The following ANKRD6 variants were observed in gnomAD, a reference collection of about 807,000 sequenced individuals.
The protein encoded by ANKRD6 is ankyrin repeat domain 6.
A neutral mutation model predicts 82.3 loss-of-function variants in ANKRD6; 56 were observed. That is an observed-to-expected ratio of 0.68 (90% CI 0.55 to 0.85). ANKRD6 has a LOEUF of 0.85. Among genes scored for constraint, ANKRD6 ranks in the 40% least tolerant of loss-of-function variants. The probability of loss-of-function intolerance (pLI) is 0.00; values close to 1 mark genes in which losing one functional copy is unlikely to be tolerated. For missense variants in ANKRD6, 852 were observed against 907.6 expected (o/e 0.94, Z 0.79); for synonymous variants, 347 against 352.1 (o/e 0.99, Z 0.16).
chr6:89,594,177 G>C (rs1385242018), intron 2 of ANKRD6, among the ~76,000 whole-genome samples: 6 of 152,214 alleles, frequency 3.9e-5, no homozygotes, highest in Admixed American at 6.5e-5. Flanking sequence ...ATTAGGCCAG[G>C]CACAGTGGCT....
At chr6:89,480,643 GA>G (rs1004703037) in intron 1 of ANKRD6, among the ~76,000 whole-genome samples, 43 of 147,122 alleles carry the variant, frequency 2.9e-4, no homozygotes, top group Admixed American at 5.4e-4. Flanking sequence ...TTAAAAATCA[GA>G]AAAAAAAAAT....
chr6:89,562,769 G>A (rs970001434), intron 1 of ANKRD6: 9 of 152,220 alleles, frequency 5.9e-5, no homozygotes, highest in African/African-American at 1.9e-4. Flanking sequence ...AGCGAACATT[G>A]TAACGTAAAT....
chr6:89,530,061 C>G (rs1049663504), intron 1 of ANKRD6, among the ~76,000 whole-genome samples: 5 of 151,898 alleles, frequency 3.3e-5, no homozygotes, highest in African/African-American at 4.8e-5. Context: ...CGAGACCAGC[C>G]TGGGCAATGT....
At chr6:89,610,429 T>G (rs866204504) in intron 5 of ANKRD6, among the ~76,000 whole-genome samples, 16 of 152,212 alleles carry the variant, frequency 1.1e-4, no homozygotes, top group South Asian at 2.1e-4. Flanking sequence ...GGAGGAATGG[T>G]TCACGCCTCT....
chr6:89,610,677 G>C (rs565361808), intron 5 of ANKRD6, among the ~76,000 whole-genome samples: 10 of 152,082 alleles, frequency 6.6e-5, no homozygotes, highest in African/African-American at 2.4e-4. Context: ...CTTGAGAGTA[G>C]TGTTTTTAAA....
chr6:89,557,580 G>T (rs866832594), intron 1 of ANKRD6, among the ~76,000 whole-genome samples: 7 of 152,256 alleles, frequency 4.6e-5, no homozygotes, highest in Middle Eastern at 3.4e-3. Flanking sequence ...AAAACCAGCC[G>T]GTGGGAGTGC....
At chr6:89,555,530 T>C (rs1248115259) in intron 1 of ANKRD6, among the ~76,000 whole-genome samples, 1 of 152,098 alleles carries the variant, frequency 6.6e-6, no homozygotes, top group Non-Finnish European at 1.5e-5. Flanking sequence ...GATTTCACCC[T>C]TGGGACCCTG....
chr6:89,450,423 A>G (rs1256234419), intron 1 of ANKRD6, among the ~76,000 whole-genome samples: 2 of 152,216 alleles, frequency 1.3e-5, no homozygotes, highest in Non-Finnish European at 2.9e-5. Context: ...GTCATCAGCC[A>G]CCGGGCTTGA....
intron 2 of ANKRD6, among the ~76,000 whole-genome samples, chr6:89,576,022 A>G (rs563565011): frequency 1.3e-5 from 2 of 152,312 alleles, no homozygotes; most frequent in South Asian, 2.1e-4. Flanking sequence ...AAGGCTCACT[A>G]AGAACTATGA....
intron 1 of ANKRD6, among the ~76,000 whole-genome samples, chr6:89,434,658 CTCG>C (rs1770399027): frequency 6.6e-6 from 1 of 152,114 alleles, no homozygotes; most frequent in Non-Finnish European, 1.5e-5. Context: ...CTAAGCTGGT[CTCG>C]AACTCCTCCT....
chr6:89,469,997 G>T (rs1259068990), intron 1 of ANKRD6, among the ~76,000 whole-genome samples: 1 of 152,032 alleles, frequency 6.6e-6, no homozygotes, highest in Non-Finnish European at 1.5e-5. Context: ...GAGTAGCTTT[G>T]TTGATTTTCC....
chr6:89,590,998 C>T (rs9451250), intron 2 of ANKRD6, among the ~76,000 whole-genome samples: 9,818 of 152,202 alleles, frequency 0.065, 708 homozygotes, highest in African/African-American at 0.18. Flanking sequence ...TTATTGGTCT[C>T]GCTGGGCTCA....
At chr6:89,509,934 G>A (rs190750096) in intron 1 of ANKRD6, among the ~76,000 whole-genome samples, 14 of 152,330 alleles carry the variant, frequency 9.2e-5, no homozygotes, top group East Asian at 7.7e-4. Flanking sequence ...AAACATTAGC[G>A]CTGTTTACTG....
At chr6:89,598,189 A>G (rs1340794746) in intron 3 of ANKRD6, 1 of 985,346 alleles carries the variant, frequency 1.0e-6, no homozygotes, top group East Asian at 1.1e-4. Flanking sequence ...ACCTGTGGAA[A>G]CCAGTTCTTT....
chr6:89,603,597 C>CG (rs988936386), intron 4 of ANKRD6, among the ~76,000 whole-genome samples: 41 of 151,852 alleles, frequency 2.7e-4, no homozygotes, highest in African/African-American at 4.8e-4. Context: ...AGGCCTGGGT[C>CG]GGGGGGGTAA....
At chr6:89,466,662 TGTAAATTGTGAATTTGTAAGAG>T (rs1345082353) in intron 1 of ANKRD6, among the ~76,000 whole-genome samples, 2 of 152,210 alleles carry the variant, frequency 1.3e-5, no homozygotes, top group African/African-American at 4.8e-5. Context: ...TTCACCTTCC[TGTAAATTGTGAATTTGTAAGAG>T]GTTTTTTTTG....
chr6:89,616,592 C>A lies in ANKRD6; in HGVS notation c.649C>A (p.Leu217Ile). ...GDTALHVAAALNHKKVAKILL... is the reference protein window; with the variant it reads ...GDTALHVAAAINHKKVAKILL... ...CACAGCACTTCACGTTGCTGCTGCCCTAAATCACAAGAAGGTGGCCAAAAT... is the reference window on the plus strand; with the variant it reads ...CACAGCACTTCACGTTGCTGCTGCCATAAATCACAAGAAGGTGGCCAAAAT... Residue 217 changes from leucine (L) to isoleucine (I), a missense_variant, in exon 8 of 16, where the codon CTA becomes ATA. Transcript: ENST00000339746. 1 of 1,614,030 alleles carries A rather than the reference C, an allele frequency of 6.2e-7. No homozygotes were observed. Among genetic ancestry groups the A allele is most frequent in the African/African-American group, 1.3e-5 (1 of 75,052 alleles).
At chr6:89,510,162 A>T (rs1474134190) in intron 1 of ANKRD6, among the ~76,000 whole-genome samples, 2 of 152,226 alleles carry the variant, frequency 1.3e-5, no homozygotes, top group African/African-American at 4.8e-5. Flanking sequence ...TTGCTCTGTC[A>T]GTCTGGGCAA....
At chr6:89,574,121 G>T (rs1201993753) in intron 2 of ANKRD6, among the ~76,000 whole-genome samples, 1 of 152,206 alleles carries the variant, frequency 6.6e-6, no homozygotes, top group East Asian at 1.9e-4. Context: ...CCTTGGTGTA[G>T]GCACCTGTTC....
Sources: gnomAD v4.1 joint callset for allele counts (sites outside exome capture counted in the v4.1 genomes callset) on GRCh38, gnomAD v4.1.1 for gene constraint, MANE v1.5 for transcripts, NCBI Gene and HGNC (gene_info 2026-07-23, HGNC 2026-07-21) for gene names.